Variants in VPS41 observed in about 807,000 individuals in gnomAD.
VPS41 encodes VPS41 subunit of HOPS complex, also known as vacuolar protein sorting-associated protein 41 homolog.
A neutral mutation model predicts 130.9 loss-of-function variants in VPS41; 85 were observed. The observed-to-expected ratio is 0.65, with a 90% CI of 0.55 to 0.78. The LOEUF (loss-of-function observed/expected upper bound fraction) is 0.78. Among genes scored for constraint, VPS41 ranks in the 30% least tolerant of loss-of-function variants. The probability of loss-of-function intolerance (pLI) is 0.00; values close to 1 mark genes in which losing one functional copy is unlikely to be tolerated. For missense variants in VPS41, 874 were observed against 1,018.7 expected (o/e 0.86, Z 1.93); for synonymous variants, 335 against 332.9 (o/e 1.01, Z -0.07).
intron 13 of VPS41, 54 bp from the exon 14 acceptor site, chr7:38,771,308 G>C: frequency 7.7e-7 from 1 of 1,295,958 alleles, no homozygotes. Context: ...GAAAAGGAGG[G>C]AGGGAAAATG....
chr7:38,746,746 C>T (rs1044808478), intron 22 of VPS41, among the ~76,000 whole-genome samples: 2 of 152,182 alleles, frequency 1.3e-5, no homozygotes, highest in Non-Finnish European at 2.9e-5. Context: ...ATCTCTACCA[C>T]GACTTACAAG....
intron 7 of VPS41, among the ~76,000 whole-genome samples, chr7:38,810,789 T>C (rs569570238): frequency 6.6e-6 from 1 of 152,280 alleles, no homozygotes; most frequent in East Asian, 1.9e-4. Flanking sequence ...CTTTATTCTC[T>C]TTTCCCCCTA....
At chr7:38,890,485 CA>C (rs1397397769) in intron 2 of VPS41, among the ~76,000 whole-genome samples, 2 of 152,104 alleles carry the variant, frequency 1.3e-5, no homozygotes, top group African/African-American at 4.8e-5. Context: ...TGAATCTTCA[CA>C]TGATAAAACT....
chr7:38,730,294 C>A (rs1165152568), intron 25 of VPS41, among the ~76,000 whole-genome samples: 1 of 152,196 alleles, frequency 6.6e-6, no homozygotes, highest in African/African-American at 2.4e-5. Context: ...AAGGGAGCAG[C>A]CAACTGCAGC....
At chr7:38,814,984 T>G (rs959535581) in intron 7 of VPS41, among the ~76,000 whole-genome samples, 2 of 152,168 alleles carry the variant, frequency 1.3e-5, no homozygotes, top group South Asian at 4.1e-4. Context: ...AATATCCCAA[T>G]TGAACCCTCA....
At chr7:38,844,283 C>T (rs1294367355) in intron 4 of VPS41, among the ~76,000 whole-genome samples, 1 of 152,180 alleles carries the variant, frequency 6.6e-6, no homozygotes, top group Non-Finnish European at 1.5e-5. Flanking sequence ...TGCCCTGATG[C>T]TACAAAATTA....
chr7:38,776,866 G>T (rs988119369), intron 10 of VPS41, 90 bp from the exon 11 acceptor site: 4 of 653,498 alleles, frequency 6.1e-6, no homozygotes, highest in African/African-American at 5.4e-5. Flanking sequence ...AATGCTAGTG[G>T]ACCCCTTTTT....
chr7:38,774,195 G>A lies in VPS41; in HGVS notation c.932C>T (p.Ser311Phe). 6.2e-7 allele frequency: 1 copy of A among 1,609,504 alleles called. No homozygotes were observed. Among genetic ancestry groups the A allele is most frequent in the Non-Finnish European group, 8.5e-7 (1 of 1,176,614 alleles). Residue 311 changes from serine to phenylalanine, a missense_variant, in exon 12 of 29, where the codon TCT becomes TTT. Coordinates refer to ENST00000310301, the MANE Select transcript of VPS41 (RefSeq NM_014396.4). ...RPRLDIIQPL[S>F]ETCEEISSDA... is the part of the protein sequence containing the mutation. Reference sequence around the variant, plus strand: ...AGAAGAGATCTCTTCACAAGTCTCAGAAAGTGGCTGGATGATGTCCAGTCT... The same window carrying A: ...AGAAGAGATCTCTTCACAAGTCTCAAAAAGTGGCTGGATGATGTCCAGTCT...
At chr7:38,758,562 C>T in intron 17 of VPS41, 81 bp from the exon 18 acceptor site, 1 of 1,385,166 alleles carries the variant, frequency 7.2e-7, no homozygotes, top group Non-Finnish European at 9.8e-7. Context: ...ACATTTGGTC[C>T]TCCTTCTGTT....
At chr7:38,855,034 C>A in intron 4 of VPS41, among the ~76,000 whole-genome samples, 1 of 151,618 alleles carries the variant, frequency 6.6e-6, no homozygotes, top group East Asian at 1.9e-4. Context: ...CATGATGAAA[C>A]CCTGTCTCTA....
At chr7:38,726,710 T>G (rs953104173) in intron 28 of VPS41, among the ~76,000 whole-genome samples, 199 bp downstream of exon 28, 1 of 152,282 alleles carries the variant, frequency 6.6e-6, no homozygotes, top group African/African-American at 2.4e-5. Context: ...TATGCTTTTA[T>G]GTTTACTATA....
At chr7:38,857,052 G>C (rs901157590) in intron 4 of VPS41, among the ~76,000 whole-genome samples, 8 of 152,228 alleles carry the variant, frequency 5.3e-5, no homozygotes, top group Non-Finnish European at 1.0e-4. Flanking sequence ...ACAATGGTTA[G>C]ATGGACAGAG....
intron 7 of VPS41, among the ~76,000 whole-genome samples, chr7:38,811,622 C>T (rs1252052298): frequency 2.0e-5 from 3 of 147,148 alleles, no homozygotes; most frequent in Non-Finnish European, 4.5e-5. Flanking sequence ...CACACACACC[C>T]CTCCATATAT....
chr7:38,812,925 T>C (rs1784973216), intron 7 of VPS41, among the ~76,000 whole-genome samples: 1 of 152,174 alleles, frequency 6.6e-6, no homozygotes. Flanking sequence ...CCCTCATATA[T>C]TTCTGATGAG....
intron 10 of VPS41, 24 bp from the exon 11 acceptor site, chr7:38,776,800 G>A (rs767255226): frequency 7.1e-7 from 1 of 1,402,548 alleles, no homozygotes; most frequent in East Asian, 2.3e-5. Flanking sequence ...GGATACAGGA[G>A]TCATCATCAA....
At chr7:38,887,932 C>G (rs1478465823) in intron 2 of VPS41, among the ~76,000 whole-genome samples, 4 of 152,140 alleles carry the variant, frequency 2.6e-5, no homozygotes, top group Non-Finnish European at 4.4e-5. Flanking sequence ...TCAAACTAAG[C>G]TTCATAAGTA....
At position 38,894,180 on chromosome 7, in the gene VPS41, G is replaced by A. The variant is rs569083592; in HGVS notation, c.60+3911C>T. 2.4e-3 allele frequency among the ~76,000 whole-genome samples: 363 copies of A among 152,194 alleles called. 1 individual carries two copies. Among genetic ancestry groups the A allele is most frequent in the African/African-American group, 8.5e-3 (353 of 41,536 alleles). On this transcript the variant is annotated intron_variant, in intron 2 of 28. Transcript: ENST00000310301. The stretch of plus-strand genomic sequence containing the variant: ...AACACGAGAAGAGATGATAGAGAAC[G>A]AAGAGAAATGGATGAAGGAGGAATC...
At chr7:38,745,812 C>A in intron 22 of VPS41, 199 bp from the exon 23 acceptor site, 1 of 526,092 alleles carries the variant, frequency 1.9e-6, no homozygotes, top group Non-Finnish European at 3.3e-6. Flanking sequence ...CTACACAATT[C>A]AATTTAAAAC....
chr7:38,873,684 T>C (rs532433656), intron 2 of VPS41, among the ~76,000 whole-genome samples: 2 of 152,280 alleles, frequency 1.3e-5, no homozygotes, highest in East Asian at 3.9e-4. Context: ...CATTTACCCA[T>C]ACAAGAAAAA....
Sources: gnomAD v4.1 joint callset for allele counts (sites outside exome capture counted in the v4.1 genomes callset) on GRCh38, gnomAD v4.1.1 for gene constraint, MANE v1.5 for transcripts, NCBI Gene and HGNC (gene_info 2026-07-23, HGNC 2026-07-21) for gene names.